VPS13B: variants seen among roughly 807,000 people sequenced by gnomAD.
The protein encoded by VPS13B is vacuolar protein sorting 13 homolog B.
VPS13B carries 285 observed loss-of-function variants against 426.4 expected under a neutral mutation model. That is an observed-to-expected ratio of 0.67 (90% CI 0.61 to 0.74). VPS13B has a LOEUF of 0.74. Among genes scored for constraint, VPS13B ranks in the 30% least tolerant of loss-of-function variants. VPS13B has a pLI of 0.00. For missense variants in VPS13B, 4,537 were observed against 4,782.6 expected, an observed-to-expected ratio of 0.95 and a Z score of 1.51; for synonymous variants, 1,676 against 1,676.4, an observed-to-expected ratio of 1.00 and a Z score of 0.01.
intron 39 of VPS13B, among the ~76,000 whole-genome samples, chr8:99,755,314 T>TTAGCTGAC (rs1207104060): frequency 6.6e-6 from 1 of 152,176 alleles, no homozygotes; most frequent in East Asian, 1.9e-4. Flanking sequence ...TGTTTAATCA[T>TTAGCTGAC]TAGCTGACTA....
intron 19 of VPS13B, among the ~76,000 whole-genome samples, chr8:99,355,261 T>A (rs1812116303): frequency 6.6e-6 from 1 of 152,198 alleles, no homozygotes; most frequent in Non-Finnish European, 1.5e-5. Flanking sequence ...TCTTTTCATA[T>A]TGTGAATTAA....
chr8:99,193,248 C>T (rs886871243), intron 17 of VPS13B, among the ~76,000 whole-genome samples, 191 bp downstream of exon 17: 3 of 152,126 alleles, frequency 2.0e-5, no homozygotes, highest in African/African-American at 7.2e-5. Flanking sequence ...TTCCTCGTAC[C>T]TATTTCTGCA....
chr8:99,080,295 T>C (rs1055241248), intron 3 of VPS13B, among the ~76,000 whole-genome samples: 6 of 152,034 alleles, frequency 3.9e-5, no homozygotes, highest in African/African-American at 1.4e-4. Flanking sequence ...TTTTGTATTT[T>C]TTGCTTTTTT....
chr8:99,275,289 CTT>C lies in VPS13B; in HGVS notation c.2824+52_2824+53del, dbSNP rs11332378. On this transcript the variant is annotated intron_variant, in intron 19 of 61. Transcript: ENST00000357162. ...AACCTATCATTATTCCCTTGTTTTGCTTTTTTTTTTTTTTTTTTCCAGAAAGG... is the reference window on the plus strand; with the variant it reads ...AACCTATCATTATTCCCTTGTTTTGCTTTTTTTTTTTTTTTTCCAGAAAGG... 0.19 allele frequency: 221,049 copies of C among 1,139,368 alleles called. 15 individuals are homozygous for C. The highest frequency in any genetic ancestry group is 0.23 in the South Asian group (11,596 of 51,340). The allele number at this position is 1,139,368 out of a possible 1,614,324, so 70.6% of individuals were successfully genotyped here.
intron 19 of VPS13B, chr8:99,347,546 G>A (rs1180859041): frequency 3.3e-5 from 5 of 152,246 alleles, no homozygotes; most frequent in Non-Finnish European, 7.3e-5. Context: ...CAATGTATGA[G>A]ATGGGCTGTA....
intron 19 of VPS13B, among the ~76,000 whole-genome samples, chr8:99,321,712 A>T (rs1038278323): frequency 3.9e-5 from 6 of 152,202 alleles, no homozygotes; most frequent in African/African-American, 1.4e-4. Context: ...TTTGAATAAC[A>T]TTTGTAATTT....
At chr8:99,178,274 A>G (rs142194646) in intron 16 of VPS13B, among the ~76,000 whole-genome samples, 3,046 of 152,056 alleles carry the variant, frequency 0.02, 113 homozygotes, top group African/African-American at 0.07. Flanking sequence ...GTCATCTAGC[A>G]TTAGGTATAT....
At chr8:99,082,306 GTTGT>G (rs1845526165) in intron 3 of VPS13B, among the ~76,000 whole-genome samples, 1 of 152,102 alleles carries the variant, frequency 6.6e-6, no homozygotes, top group Non-Finnish European at 1.5e-5. Flanking sequence ...TTTTGATGGA[GTTGT>G]TTGTTATTTT....
In VPS13B at chr8:99,266,268, G is replaced by C. The variant is rs556850230; in HGVS notation, c.2516-7930G>C. Among the ~76,000 whole-genome samples, 17 of 151,772 alleles carry C rather than the reference G, an allele frequency of 1.1e-4. 1 individual carries two copies. The South Asian group carries it at 1.9e-3, about 17-fold the overall frequency. On this transcript the variant is annotated intron_variant, in intron 17 of 61. Coordinates refer to ENST00000357162, the MANE Select transcript of VPS13B (RefSeq NM_152564.5). ...ACCCTGTCTCTACAAAAAAAAAACA[G>C]GTGTGATAGAGTACATGCCTGTAGT...
At chr8:99,333,935 A>T (rs3103728) in intron 19 of VPS13B, among the ~76,000 whole-genome samples, 107,274 of 151,786 alleles carry the variant, frequency 0.71, 38,837 homozygotes, top group Middle Eastern at 0.8. Context: ...ATTCCATTGT[A>T]TGGATACAGT....
At chr8:99,396,095 C>T (rs1421100670) in intron 21 of VPS13B, among the ~76,000 whole-genome samples, 2 of 152,010 alleles carry the variant, frequency 1.3e-5, no homozygotes, top group African/African-American at 4.8e-5. Flanking sequence ...CCTTATCGAA[C>T]CGTGGGATGA....
At chr8:99,379,341 AT>A (rs997647547) in intron 19 of VPS13B, among the ~76,000 whole-genome samples, 2 of 150,044 alleles carry the variant, frequency 1.3e-5, no homozygotes, top group Non-Finnish European at 3.0e-5. Flanking sequence ...TCCCAGTTAC[AT>A]TTTTTTTTGG....
chr8:99,102,872 A>C, intron 4 of VPS13B, 81 bp from the exon 5 acceptor site: 1 of 1,332,456 alleles, frequency 7.5e-7, no homozygotes, highest in South Asian at 1.2e-5. Context: ...TTTCTCATAC[A>C]TTAAGTTCAA....
chr8:99,038,372 TAAAA>T (rs756453438), intron 2 of VPS13B, 47 bp from the exon 3 acceptor site: 1 of 1,419,460 alleles, frequency 7.0e-7, no homozygotes, highest in East Asian at 2.5e-5. Context: ...CATATTATAA[TAAAA>T]AATATTAAGC....
intron 19 of VPS13B, among the ~76,000 whole-genome samples, chr8:99,324,075 G>A (rs531525772): frequency 7.2e-5 from 11 of 152,252 alleles, no homozygotes; most frequent in African/African-American, 2.4e-4. Flanking sequence ...TGATTCTTGC[G>A]GGAGGTCTTT....
intron 3 of VPS13B, among the ~76,000 whole-genome samples, chr8:99,041,867 A>AG (rs949071334): frequency 6.6e-6 from 1 of 151,956 alleles, no homozygotes; most frequent in Non-Finnish European, 1.5e-5. Flanking sequence ...AAAAAAAAAA[A>AG]AACTTCTTCA....
chr8:99,515,389 G>C (rs1012617181), intron 29 of VPS13B, among the ~76,000 whole-genome samples: 1 of 151,404 alleles, frequency 6.6e-6, no homozygotes, highest in Non-Finnish European at 1.5e-5. Flanking sequence ...TGCTGCTGCT[G>C]CTGCTTCTGC....
intron 54 of VPS13B, among the ~76,000 whole-genome samples, chr8:99,840,336 T>G (rs544278807): frequency 1.3e-5 from 2 of 152,368 alleles, no homozygotes; most frequent in African/African-American, 4.8e-5. Context: ...GACTTTACAT[T>G]TATCCCAAAT....
At chr8:99,265,570 T>G (rs1818252520) in intron 17 of VPS13B, among the ~76,000 whole-genome samples, 1 of 152,162 alleles carries the variant, frequency 6.6e-6, no homozygotes, top group Non-Finnish European at 1.5e-5. Flanking sequence ...CTCTCCAAAG[T>G]AAACCCTTTA....
Sources: gnomAD v4.1 joint callset for allele counts (sites outside exome capture counted in the v4.1 genomes callset) on GRCh38, gnomAD v4.1.1 for gene constraint, MANE v1.5 for transcripts, NCBI Gene and HGNC (gene_info 2026-07-23, HGNC 2026-07-21) for gene names.